DDX10: variants seen among roughly 807,000 people sequenced by gnomAD.
DDX10 encodes the protein probable ATP-dependent RNA helicase DDX10.
A neutral mutation model predicts 104.3 loss-of-function variants in DDX10; 74 were observed. The ratio of observed to expected loss-of-function variants is 0.71; its 90% CI spans 0.59 to 0.86. The LOEUF (loss-of-function observed/expected upper bound fraction) is 0.86, where lower values mean the gene tolerates loss of function less well. Among genes scored for constraint, DDX10 ranks in the 40% least tolerant of loss-of-function variants. The probability of loss-of-function intolerance (pLI) is 0.00; values close to 1 mark genes in which losing one functional copy is unlikely to be tolerated. For missense variants in DDX10, 952 were observed against 1,040.0 expected, an observed-to-expected ratio of 0.92 and a Z score of 1.16; for synonymous variants, 351 against 353.4, an observed-to-expected ratio of 0.99 and a Z score of 0.08.
chr11:108,887,455 AT>A (rs968658625), intron 16 of DDX10, among the ~76,000 whole-genome samples: 4 of 149,378 alleles, frequency 2.7e-5, no homozygotes, highest in African/African-American at 9.8e-5. Context: ...TAGTTCTGTC[AT>A]TTTTTTTTCT....
At chr11:108,720,533 C>G (rs1324402431) in intron 12 of DDX10, among the ~76,000 whole-genome samples, 2 of 152,080 alleles carry the variant, frequency 1.3e-5, no homozygotes, top group African/African-American at 4.8e-5. Context: ...TTTTTAGTAA[C>G]TGAGGTTACT....
intron 16 of DDX10, among the ~76,000 whole-genome samples, chr11:108,913,089 T>C (rs902187699): frequency 6.6e-5 from 10 of 152,130 alleles, no homozygotes; most frequent in African/African-American, 2.4e-4. Flanking sequence ...GAGACAAATC[T>C]CAACCAATTT....
At chr11:108,929,143 G>T (rs1328559810) in intron 17 of DDX10, among the ~76,000 whole-genome samples, 1 of 152,182 alleles carries the variant, frequency 6.6e-6, no homozygotes, top group Non-Finnish European at 1.5e-5. Context: ...CCATGTGACT[G>T]GCAGAGAGCA....
intron 13 of DDX10, among the ~76,000 whole-genome samples, chr11:108,777,713 G>A (rs1326303103): frequency 5.9e-5 from 9 of 152,162 alleles, no homozygotes; most frequent in East Asian, 5.8e-4. Flanking sequence ...GCAAGAGAAA[G>A]AAATAAAGGG....
chr11:108,826,740 C>CT (rs1862400902), intron 13 of DDX10, among the ~76,000 whole-genome samples: 1 of 152,166 alleles, frequency 6.6e-6, no homozygotes, highest in Non-Finnish European at 1.5e-5. Context: ...CCGCATGCAT[C>CT]TTCCATTTTG....
chr11:108,763,653 T>C (rs1175489055), intron 13 of DDX10, among the ~76,000 whole-genome samples: 1 of 152,190 alleles, frequency 6.6e-6, no homozygotes, highest in African/African-American at 2.4e-5. Context: ...CTAAACTCAT[T>C]TGATGAAAGA....
chr11:108,774,005 A>G (rs1804409999), intron 13 of DDX10, among the ~76,000 whole-genome samples: 1 of 152,238 alleles, frequency 6.6e-6, no homozygotes, highest in Non-Finnish European at 1.5e-5. Context: ...GGCTGCATAC[A>G]TGAAATCACT....
intron 13 of DDX10, among the ~76,000 whole-genome samples, chr11:108,810,794 C>T (rs995863543): frequency 6.6e-6 from 1 of 152,162 alleles, no homozygotes; most frequent in Admixed American, 6.5e-5. Context: ...ACTCGTTGAA[C>T]ATAATGTTAT....
chr11:108,904,722 A>T (rs548415686), intron 16 of DDX10, among the ~76,000 whole-genome samples: 1 of 151,722 alleles, frequency 6.6e-6, no homozygotes, highest in Admixed American at 6.6e-5. Context: ...TAGTTCCGTC[A>T]GGGTTTTTTT....
At chr11:108,807,615 A>G (rs1402385234) in intron 13 of DDX10, among the ~76,000 whole-genome samples, 1 of 152,216 alleles carries the variant, frequency 6.6e-6, no homozygotes. Context: ...GAAAAATCAT[A>G]TCAGGATATT....
At chr11:108,682,304 C>T (rs1323920161) in intron 6 of DDX10, among the ~76,000 whole-genome samples, 5 of 152,088 alleles carry the variant, frequency 3.3e-5, no homozygotes, top group Admixed American at 3.3e-4. Flanking sequence ...GGGGTTTCAC[C>T]ATGTTGGCCA....
At chr11:108,739,072 CA>C (rs1011369819) in intron 13 of DDX10, among the ~76,000 whole-genome samples, 2 of 152,152 alleles carry the variant, frequency 1.3e-5, no homozygotes, top group African/African-American at 4.8e-5. Flanking sequence ...TCTGCCCCCC[CA>C]GGGAGACACT....
chr11:108,810,537 A>G (rs551113048), intron 13 of DDX10, among the ~76,000 whole-genome samples: 1 of 152,100 alleles, frequency 6.6e-6, no homozygotes, highest in Non-Finnish European at 1.5e-5. Flanking sequence ...AAGTAGTGAC[A>G]GTGTTGAGAG....
At chr11:108,710,872 C>T (rs960055522) in intron 10 of DDX10, among the ~76,000 whole-genome samples, 3 of 152,216 alleles carry the variant, frequency 2.0e-5, no homozygotes, top group Non-Finnish European at 4.4e-5. Context: ...ACACTGCAGC[C>T]TCAGTCTCCT....
intron 13 of DDX10, among the ~76,000 whole-genome samples, chr11:108,772,584 T>A (rs1034206185): frequency 2.0e-5 from 3 of 152,212 alleles, no homozygotes; most frequent in African/African-American, 7.2e-5. Context: ...TTCTGGCTTC[T>A]AGAACTTAAA....
chr11:108,796,903 C>G (rs1861948839), intron 13 of DDX10, among the ~76,000 whole-genome samples: 1 of 152,144 alleles, frequency 6.6e-6, no homozygotes, highest in South Asian at 2.1e-4. Flanking sequence ...ATGTGTGATG[C>G]CTTTCACGGT....
chr11:108,930,615 A>G (rs1863963921), intron 17 of DDX10, among the ~76,000 whole-genome samples: 1 of 152,242 alleles, frequency 6.6e-6, no homozygotes, highest in African/African-American at 2.4e-5. Flanking sequence ...TCTTACCAGC[A>G]ATAAACGAGA....
intron 17 of DDX10, among the ~76,000 whole-genome samples, chr11:108,927,643 T>TC (rs1319269354): frequency 6.6e-6 from 1 of 151,706 alleles, no homozygotes; most frequent in Admixed American, 6.6e-5. Context: ...AACTTTTTTT[T>TC]TTTTTTCTTT....
chr11:108,764,731 A>G (rs2094354511), intron 13 of DDX10, among the ~76,000 whole-genome samples: 1 of 152,162 alleles, frequency 6.6e-6, no homozygotes, highest in African/African-American at 2.4e-5. Context: ...AGCAATCACT[A>G]TAATTTGAGA....
Sources: gnomAD v4.1 joint callset for allele counts (sites outside exome capture counted in the v4.1 genomes callset) on GRCh38, gnomAD v4.1.1 for gene constraint, MANE v1.5 for transcripts, NCBI Gene and HGNC (gene_info 2026-07-23, HGNC 2026-07-21) for gene names.